Variants in CALN1 observed in about 807,000 individuals in gnomAD.
CALN1 encodes the protein calcium-binding protein 8.
A neutral mutation model predicts 30.6 loss-of-function variants in CALN1; 17 were observed. The ratio of observed to expected loss-of-function variants is 0.56; its 90% confidence interval spans 0.38 to 0.83. The LOEUF is 0.83. CALN1 is among the 40% of genes least tolerant of loss of function. CALN1 has a pLI of 0.00. For missense variants in CALN1, 291 were observed against 354.9 expected (o/e 0.82, Z 1.45); for synonymous variants, 156 against 131.4 (o/e 1.19, Z -1.28).
intron 5 of CALN1, among the ~76,000 whole-genome samples, chr7:71,922,573 A>G (rs979248993): frequency 4.3e-5 from 6 of 140,628 alleles, no homozygotes. Context: ...ATATAAATAT[A>G]TAACACACAG....
At chr7:72,464,125 GGA>G in the CALN1 span, among the ~76,000 whole-genome samples, 32 of 151,106 alleles carry the variant, frequency 2.1e-4, no homozygotes, top group African/African-American at 7.5e-4. Flanking sequence ...AAGGAGGGAG[GGA>G]GAGAGAGAGA....
At chr7:72,369,799 G>T (rs1370418035) in intron 2 of CALN1, among the ~76,000 whole-genome samples, 1 of 152,110 alleles carries the variant, frequency 6.6e-6, no homozygotes, top group Non-Finnish European at 1.5e-5. Context: ...CCCATGTTGT[G>T]TCTAGGAATG....
At chr7:72,400,546 G>A (rs1218142908) in intron 2 of CALN1, among the ~76,000 whole-genome samples, 1 of 152,170 alleles carries the variant, frequency 6.6e-6, no homozygotes, top group African/African-American at 2.4e-5. Flanking sequence ...ACTGATGGGA[G>A]CAGAGGCTAC....
intron 1 of CALN1, among the ~76,000 whole-genome samples, chr7:72,439,871 C>T (rs540943453): frequency 7.2e-5 from 11 of 152,184 alleles, no homozygotes; most frequent in South Asian, 4.2e-4. Flanking sequence ...GCCACTGTGC[C>T]GGGCCTCTCC....
intron 3 of CALN1, among the ~76,000 whole-genome samples, chr7:72,150,731 T>C (rs1787166944): frequency 6.6e-6 from 1 of 152,244 alleles, no homozygotes. Flanking sequence ...TTCTTCCTTC[T>C]GTGTGTCTCA....
chr7:72,312,321 T>C (rs1053605443), intron 2 of CALN1, among the ~76,000 whole-genome samples: 1 of 150,630 alleles, frequency 6.6e-6, no homozygotes, highest in Admixed American at 6.7e-5. Flanking sequence ...GGAGAATCAC[T>C]TGAACCCAGC....
intron 5 of CALN1, among the ~76,000 whole-genome samples, chr7:71,972,205 G>A (rs1797883019): frequency 6.6e-6 from 1 of 152,064 alleles, no homozygotes; most frequent in African/African-American, 2.4e-5. Flanking sequence ...CAGCCTTCTA[G>A]GGGTCCACAG....
chr7:71,871,447 A>G (rs1278323544), intron 5 of CALN1, among the ~76,000 whole-genome samples: 1 of 152,100 alleles, frequency 6.6e-6, no homozygotes, highest in Non-Finnish European at 1.5e-5. Flanking sequence ...GGGAAAAAGC[A>G]TCAAGTTGCC....
At chr7:72,244,381 A>C (rs1214459219) in intron 3 of CALN1, among the ~76,000 whole-genome samples, 3 of 152,174 alleles carry the variant, frequency 2.0e-5, no homozygotes, top group Non-Finnish European at 4.4e-5. Flanking sequence ...ATACCATATT[A>C]AGTTCCTACA....
chr7:72,416,503 A>G (rs939606338), upstream of CALN1, among the ~76,000 whole-genome samples: 20 of 152,086 alleles, frequency 1.3e-4, no homozygotes, highest in African/African-American at 4.8e-4. Context: ...CGAGGCTGAG[A>G]CAGGTAGATC....
chr7:71,868,084 G>C (rs6950292), intron 5 of CALN1, among the ~76,000 whole-genome samples: 150,913 of 152,342 alleles, frequency 0.99, 74,756 homozygotes, highest in Middle Eastern at 1. Flanking sequence ...TTTCTGCTTT[G>C]AAATATTTAT....
At chr7:72,398,619 G>A (rs962839043) in intron 2 of CALN1, among the ~76,000 whole-genome samples, 1 of 152,148 alleles carries the variant, frequency 6.6e-6, no homozygotes, top group African/African-American at 2.4e-5. Flanking sequence ...TCTTCTAGGT[G>A]GCATCATGGA....
intron 2 of CALN1, among the ~76,000 whole-genome samples, chr7:72,333,669 G>A (rs2129558276): frequency 1.3e-5 from 2 of 148,894 alleles, no homozygotes; most frequent in Middle Eastern, 6.9e-3. Flanking sequence ...ATACCAACAT[G>A]GGTACAGAAA....
intron 2 of CALN1, among the ~76,000 whole-genome samples, chr7:72,346,519 ATTAT>A (rs964238819): frequency 1.3e-5 from 2 of 151,996 alleles, no homozygotes; most frequent in Admixed American, 6.6e-5. Context: ...AAATTTATTT[ATTAT>A]TTATTTATTT....
chr7:71,944,205 G>A (rs1438253051), intron 5 of CALN1, among the ~76,000 whole-genome samples: 1 of 152,296 alleles, frequency 6.6e-6, no homozygotes, highest in African/African-American at 2.4e-5. Context: ...CGAGCCCTCT[G>A]GGAGGCCGAG....
At chr7:71,883,098 T>C (rs947694670) in intron 5 of CALN1, among the ~76,000 whole-genome samples, 2 of 151,306 alleles carry the variant, frequency 1.3e-5, no homozygotes, top group African/African-American at 4.9e-5. Context: ...CATGAAATAC[T>C]ATGAGGATAG....
At chr7:71,944,949 G>A (rs1040311144) in intron 5 of CALN1, among the ~76,000 whole-genome samples, 1 of 150,690 alleles carries the variant, frequency 6.6e-6, no homozygotes, top group Non-Finnish European at 1.5e-5. Flanking sequence ...TAGTTTGGAT[G>A]TTTGTACCCT....
At chr7:72,043,882 T>A (rs1346006248) in intron 4 of CALN1, among the ~76,000 whole-genome samples, 1 of 152,194 alleles carries the variant, frequency 6.6e-6, no homozygotes. Flanking sequence ...TGGGGAGGCC[T>A]CACAATCATG....
At chr7:72,073,252 G>C (rs1398848675) in intron 4 of CALN1, among the ~76,000 whole-genome samples, 3 of 152,182 alleles carry the variant, frequency 2.0e-5, no homozygotes, top group Admixed American at 2.0e-4. Context: ...GGGGGGAAGG[G>C]AGAATGGGGT....
Sources: allele counts gnomAD v4.1 joint callset (sites outside exome capture counted in the v4.1 genomes callset), GRCh38; gene constraint gnomAD v4.1.1; transcripts MANE v1.5; gene names NCBI Gene and HGNC (gene_info 2026-07-23, HGNC 2026-07-21).